Variants in SASH1 observed in about 807,000 individuals in gnomAD.
SASH1 encodes SAM and SH3 domain-containing protein 1.
A neutral mutation model predicts 125.2 loss-of-function variants in SASH1; 44 were observed. The observed-to-expected ratio is 0.35, with a 90% CI of 0.28 to 0.45. The LOEUF (loss-of-function observed/expected upper bound fraction) is 0.45. SASH1 is among the 20% of genes least tolerant of loss of function. The pLI, the probability that SASH1 is intolerant of heterozygous loss-of-function variation, is 1.00. For missense variants in SASH1, 1,426 were observed against 1,614.5 expected (o/e 0.88, Z 2.00); for synonymous variants, 639 against 649.1 (o/e 0.98, Z 0.24).
Position 148,544,405 on chromosome 6 carries a change from A to C in SASH1, c.2935A>C (p.Lys979Gln), listed in dbSNP as rs1562503101. ...AGATGCTGAGCAGAGAATGCAGCCC[A>C]AAATTCCATCACAGCCTCCACCTGT... is the stretch of plus-strand genomic sequence containing the variant. ...GVDAEQRMQP[K>Q]IPSQPPPVPA... is the part of the protein sequence containing the mutation. The change falls in exon 18 of 20, where the codon AAA becomes CAA. Residue 979 changes from lysine (K) to glutamine (Q), a missense_variant. Lys to Gln is a moderately conservative substitution (Grantham distance 53). Transcript: ENST00000367467. The surrounding 1 kb of genome is among the most constrained non-coding windows in gnomAD (Gnocchi z 6.4). 6.2e-7 allele frequency: 1 copy of C among 1,614,206 alleles called. No homozygotes were observed.
chr6:148,471,924 C>T (rs1268972358), intron 6 of SASH1, among the ~76,000 whole-genome samples: 1 of 152,204 alleles, frequency 6.6e-6, no homozygotes, highest in African/African-American at 2.4e-5. Flanking sequence ...TGATGCTCTT[C>T]TGCAGCGGGA....
intron 2 of SASH1, among the ~76,000 whole-genome samples, chr6:148,410,496 T>C (rs1407579676): frequency 1.3e-5 from 2 of 152,150 alleles, no homozygotes; most frequent in African/African-American, 4.8e-5. Context: ...CATTTAATGG[T>C]TGCATATTCA....
intron 1 of SASH1, among the ~76,000 whole-genome samples, chr6:148,292,571 G>A (rs975738341): frequency 6.6e-6 from 1 of 152,166 alleles, no homozygotes; most frequent in Non-Finnish European, 1.5e-5. Context: ...AGGAAGAGGG[G>A]TGTAAAGGGC....
intron 8 of SASH1, among the ~76,000 whole-genome samples, chr6:148,492,995 A>C (rs1367517221): frequency 2.6e-5 from 4 of 152,166 alleles, no homozygotes; most frequent in Non-Finnish European, 5.9e-5. Context: ...TCTTAGTTAG[A>C]CCTAGGGCCA....
chr6:148,473,736 C>A (rs1583216908), intron 6 of SASH1, among the ~76,000 whole-genome samples: 2 of 152,158 alleles, frequency 1.3e-5, no homozygotes, highest in South Asian at 4.1e-4. Context: ...GCTGAAGGAG[C>A]CTTGGAATGC....
At chr6:148,443,051 C>T (rs973989482) in intron 4 of SASH1, among the ~76,000 whole-genome samples, 3 of 150,282 alleles carry the variant, frequency 2.0e-5, no homozygotes, top group African/African-American at 7.4e-5. Context: ...GCTGGGATTA[C>T]AGGGATGAGC....
chr6:148,221,034 A>G, the SASH1 span, among the ~76,000 whole-genome samples: 6 of 152,174 alleles, frequency 3.9e-5, no homozygotes, highest in African/African-American at 1.4e-4. Flanking sequence ...ATTTATTCCC[A>G]TTTATTAAAG....
chr6:148,536,699 A>C (rs964664670), intron 16 of SASH1, among the ~76,000 whole-genome samples: 29 of 152,234 alleles, frequency 1.9e-4, no homozygotes, highest in Non-Finnish European at 5.9e-5. Context: ...GCTTTGGAGG[A>C]GAAAAGCTAA....
At chr6:148,514,721 C>G (rs184236500) in intron 9 of SASH1, among the ~76,000 whole-genome samples, 11 of 134,678 alleles carry the variant, frequency 8.2e-5, no homozygotes, top group Non-Finnish European at 1.8e-4. Context: ...GAAATTTTCT[C>G]GAGGTGTAGT....
intron 1 of SASH1, among the ~76,000 whole-genome samples, chr6:148,388,599 A>G (rs1783575364): frequency 6.6e-6 from 1 of 152,178 alleles, no homozygotes; most frequent in Non-Finnish European, 1.5e-5. Flanking sequence ...CTGAAGCGTC[A>G]TTTTTTTCCC....
chr6:148,381,760 C>T (rs2114787137), intron 1 of SASH1, among the ~76,000 whole-genome samples: 1 of 150,730 alleles, frequency 6.6e-6, no homozygotes, highest in Admixed American at 6.7e-5. Flanking sequence ...TCCTGAGTAG[C>T]TGGGATTACA....
chr6:148,468,125 G>A (rs766190605), intron 4 of SASH1, among the ~76,000 whole-genome samples: 9 of 152,098 alleles, frequency 5.9e-5, no homozygotes, highest in Non-Finnish European at 8.8e-5. Flanking sequence ...TCCTAGAGCC[G>A]ACCACTGTAC....
At position 148,288,531 on chromosome 6, in the gene SASH1, A is replaced by G. The variant is rs9485267; in HGVS notation, n.74+16154A>G. ...CAGGAAGCCATCTCTCAACAGAAAC[A>G]ATCCTGCTACTACTTTACTTCTTAT... On this transcript the variant is annotated intron_variant and non_coding_transcript_variant, in intron 1 of 3. Coordinates refer to the SASH1 transcript ENST00000367469. 4.5e-3 allele frequency among the ~76,000 whole-genome samples: 693 copies of G among 152,316 alleles called. 6 individuals are homozygous for G. Among genetic ancestry groups the G allele is most frequent in the Middle Eastern group, 0.01 (3 of 294 alleles).
intron 8 of SASH1, among the ~76,000 whole-genome samples, chr6:148,506,888 CAT>C (rs1185484354): frequency 6.6e-6 from 1 of 152,166 alleles, no homozygotes; most frequent in African/African-American, 2.4e-5. Flanking sequence ...GGAGCAAAAC[CAT>C]ACAGTCTCAG....
chr6:148,256,099 C>T, the SASH1 span, among the ~76,000 whole-genome samples: 2 of 152,110 alleles, frequency 1.3e-5, no homozygotes, highest in South Asian at 4.1e-4. Context: ...CAATTTTGTG[C>T]CTCTGCCCTA....
At chr6:148,398,736 G>C (rs890204009) in intron 2 of SASH1, among the ~76,000 whole-genome samples, 3 of 152,176 alleles carry the variant, frequency 2.0e-5, no homozygotes, top group Admixed American at 2.0e-4. Context: ...TTGGGCTACA[G>C]CTGATTTGAA....
chr6:148,340,793 A>G (rs181846136), upstream of SASH1, among the ~76,000 whole-genome samples: 138 of 152,310 alleles, frequency 9.1e-4, no homozygotes, highest in Middle Eastern at 3.4e-3. Context: ...CAATGCCTCA[A>G]TGCTATTAAG....
intron 2 of SASH1, among the ~76,000 whole-genome samples, chr6:148,396,266 G>A (rs1022991382): frequency 7.9e-5 from 12 of 152,100 alleles, no homozygotes; most frequent in East Asian, 1.9e-4. Flanking sequence ...ATCACTTGAG[G>A]TCAGGAGTTC....
intron 2 of SASH1, among the ~76,000 whole-genome samples, chr6:148,407,972 A>T (rs1337256190): frequency 6.6e-6 from 1 of 151,860 alleles, no homozygotes; most frequent in African/African-American, 2.4e-5. Flanking sequence ...TGGCTATGCC[A>T]TTTTACATTC....
Sources: gnomAD v4.1 joint callset for allele counts (sites outside exome capture counted in the v4.1 genomes callset) on GRCh38, gnomAD v4.1.1 for gene constraint, Gnocchi (gnomAD v3.1) non-coding constraint, MANE v1.5 for transcripts, NCBI Gene and HGNC (gene_info 2026-07-23, HGNC 2026-07-21) for gene names.